SCAPER: variants seen among roughly 807,000 people sequenced by gnomAD.
The protein encoded by SCAPER is S-phase cyclin A associated protein in the ER, also known as S phase cyclin A-associated protein in the endoplasmic reticulum.
In SCAPER, 98 loss-of-function variants were observed where a neutral mutation model predicts 182.2. The observed-to-expected ratio is 0.54, with a 90% CI of 0.46 to 0.64. SCAPER has a LOEUF of 0.64. Among genes scored for constraint, SCAPER ranks in the 30% least tolerant of loss-of-function variants. SCAPER has a pLI of 0.00. For synonymous variants in SCAPER, 605 were observed against 564.6 expected (o/e 1.07, Z -1.01); for missense variants, 1,432 against 1,690.0 (o/e 0.85, Z 2.68).
At position 76,842,920 on chromosome 15, in the gene SCAPER, C is replaced by A. The variant is rs555241371; in HGVS notation, c.196-989G>T. Among the ~76,000 whole-genome samples the A allele has an allele frequency of 7.2e-5, 11 of 152,288 alleles. No individual in the cohort carries two copies. The East Asian group carries it at 2.1e-3, about 29-fold the overall frequency. ...CCAGATATTCCAGACCACCTCATTT[C>A]TTTCTATATACCATTCAAAGTTAAA... On this transcript the variant is annotated intron_variant, in intron 4 of 31. Coordinates refer to ENST00000563290, the MANE Select transcript of SCAPER (RefSeq NM_020843.4).
At chr15:76,546,047 C>G (rs1260122671) in intron 23 of SCAPER, among the ~76,000 whole-genome samples, 1 of 152,038 alleles carries the variant, frequency 6.6e-6, no homozygotes, top group Non-Finnish European at 1.5e-5. Flanking sequence ...ACAGAAGAAA[C>G]CCAAAAATAG....
At position 76,793,774 on chromosome 15, in the gene SCAPER, C is replaced by T. The variant is rs138513763; in HGVS notation, c.772+1506G>A. 1.2e-4 allele frequency among the ~76,000 whole-genome samples: 18 copies of T among 152,270 alleles called. No homozygotes were observed. In the East Asian group the frequency reaches 2.5e-3, roughly 21 times the overall value. ...TAATCAAATCCAAGAAGTAGGTAGT[C>T]GGAATCCTGATTTATAGCTAGTTGG... On this transcript the variant is annotated intron_variant, in intron 8 of 31. Transcript: ENST00000563290.
chr15:76,439,188 C>A (rs914686278), intron 25 of SCAPER, among the ~76,000 whole-genome samples: 8 of 151,962 alleles, frequency 5.3e-5, no homozygotes, highest in African/African-American at 1.9e-4. Context: ...CCAGTTCAAG[C>A]AATTCTCATG....
intron 23 of SCAPER, among the ~76,000 whole-genome samples, chr15:76,527,374 T>G (rs16968336): frequency 0.065 from 9,845 of 152,242 alleles, 352 homozygotes; most frequent in Middle Eastern, 0.11. Context: ...TCATAGTTGC[T>G]TTCCTTGGGC....
chr15:76,733,766 A>G (rs1331096982), intron 15 of SCAPER, among the ~76,000 whole-genome samples: 1 of 152,038 alleles, frequency 6.6e-6, no homozygotes, highest in Non-Finnish European at 1.5e-5. Flanking sequence ...AAAAGAAAGA[A>G]AGAAAGAAAG....
chr15:76,625,154 C>G (rs1001420667), intron 21 of SCAPER, among the ~76,000 whole-genome samples: 3 of 152,076 alleles, frequency 2.0e-5, no homozygotes, highest in African/African-American at 7.2e-5. Flanking sequence ...TGGAGATGAG[C>G]TGGGTGGATC....
chr15:76,531,137 T>C (rs1597227787), intron 23 of SCAPER, among the ~76,000 whole-genome samples: 2 of 152,140 alleles, frequency 1.3e-5, no homozygotes, highest in East Asian at 1.9e-4. Context: ...AAAAAGTTGA[T>C]TATAAATCAG....
intron 2 of SCAPER, among the ~76,000 whole-genome samples, chr15:76,873,735 A>G (rs2072952871): frequency 1.3e-5 from 2 of 152,292 alleles, no homozygotes; most frequent in East Asian, 1.9e-4. Context: ...GCAGTCAACA[A>G]TGGCAAAAAC....
At position 76,627,271 on chromosome 15, in the gene SCAPER, ATTT is replaced by A. The variant is rs912522620; in HGVS notation, c.2646-5445_2646-5443del. 2.6e-5 allele frequency among the ~76,000 whole-genome samples: 4 copies of A among 151,966 alleles called. No individual in the cohort carries two copies. The South Asian group carries it at 8.3e-4, about 32-fold the overall frequency. ...TACAAATCTCAGAAATTAAACCTCT[ATTT>A]TTTTTATCTTTATAAAAAATAGTAT... On this transcript the variant is annotated intron_variant, in intron 21 of 31. Transcript: ENST00000563290.
chr15:76,432,916 A>C (rs1329209927), intron 26 of SCAPER, among the ~76,000 whole-genome samples: 1 of 152,258 alleles, frequency 6.6e-6, no homozygotes, highest in East Asian at 1.9e-4. Context: ...AGCTTAAGTT[A>C]GAAATATTAC....
chr15:76,571,541 G>A (rs1194726229), intron 23 of SCAPER, among the ~76,000 whole-genome samples: 3 of 152,038 alleles, frequency 2.0e-5, no homozygotes, highest in African/African-American at 7.2e-5. Flanking sequence ...AGTTTAACCC[G>A]TTAGGTCTAA....
chr15:76,435,260 T>C (rs1256863071), intron 25 of SCAPER, among the ~76,000 whole-genome samples: 4 of 152,252 alleles, frequency 2.6e-5, no homozygotes, highest in Admixed American at 2.0e-4. Context: ...GACTGCATAG[T>C]AATAGTTATT....
At chr15:76,536,957 C>T (rs540105424) in intron 23 of SCAPER, among the ~76,000 whole-genome samples, 2 of 151,954 alleles carry the variant, frequency 1.3e-5, no homozygotes, top group Non-Finnish European at 2.9e-5. Flanking sequence ...TGAGTGAACT[C>T]CCATTCACAA....
chr15:76,866,473 T>C (rs1163787530), intron 2 of SCAPER, among the ~76,000 whole-genome samples: 3 of 152,224 alleles, frequency 2.0e-5, no homozygotes, highest in East Asian at 1.9e-4. Context: ...TTAGCTCTTT[T>C]GTATTTAGTA....
Position 76,899,316 on chromosome 15 carries a change from C to T in SCAPER, c.-60+5983G>A, listed in dbSNP as rs75191474. On this transcript the variant is annotated intron_variant, in intron 1 of 31. Coordinates refer to ENST00000563290, the MANE Select transcript of SCAPER (RefSeq NM_020843.4). Reference sequence around the variant, plus strand: ...AGTGCCTGGGGTTCCAGGCACGCGCCGCCACTCCTGACTGGTTTTTGTATT... The same window carrying T: ...AGTGCCTGGGGTTCCAGGCACGCGCTGCCACTCCTGACTGGTTTTTGTATT... Among the ~76,000 whole-genome samples the T allele has an allele frequency of 1.0e-3, 159 of 152,278 alleles. 2 individuals are homozygous for T. The highest frequency in any genetic ancestry group is 3.7e-3 in the African/African-American group (152 of 41,570).
intron 6 of SCAPER, among the ~76,000 whole-genome samples, chr15:76,800,664 C>T (rs947124607): frequency 6.6e-6 from 1 of 152,170 alleles, no homozygotes; most frequent in African/African-American, 2.4e-5. Flanking sequence ...ACGCTACTTA[C>T]GATTTATAAG....
chr15:76,490,599 T>G (rs551162694), intron 24 of SCAPER, among the ~76,000 whole-genome samples: 1 of 152,334 alleles, frequency 6.6e-6, no homozygotes, highest in East Asian at 1.9e-4. Flanking sequence ...GATTGCCTTT[T>G]CATTCTATTG....
chr15:76,673,059 G>A lies in SCAPER; in HGVS notation c.2509-7270C>T, dbSNP rs142470842. 7.9e-3 allele frequency among the ~76,000 whole-genome samples: 1,199 copies of A among 152,116 alleles called. 23 individuals are homozygous for A. The highest frequency in any genetic ancestry group is 0.027 in the African/African-American group (1,120 of 41,502). ...ACATTTTATGCCAAAAGAAAATAAT[G>A]TATTTAGCATTTTCAAGAAAGAAAT... On this transcript the variant is annotated intron_variant, in intron 20 of 31. Transcript: ENST00000563290.
At chr15:76,879,288 C>T (rs1449728543) in intron 2 of SCAPER, among the ~76,000 whole-genome samples, 1 of 152,160 alleles carries the variant, frequency 6.6e-6, no homozygotes, top group Non-Finnish European at 1.5e-5. Context: ...TCCTCCTTTC[C>T]TAATAGTTCA....
Sources: allele counts gnomAD v4.1 joint callset (sites outside exome capture counted in the v4.1 genomes callset), GRCh38; gene constraint gnomAD v4.1.1; transcripts MANE v1.5; gene names NCBI Gene and HGNC (gene_info 2026-07-23, HGNC 2026-07-21).